PNPT1: variants seen among roughly 807,000 people sequenced by gnomAD.
The protein encoded by PNPT1 is polyribonucleotide nucleotidyltransferase 1, also known as polyribonucleotide nucleotidyltransferase 1, mitochondrial.
A neutral mutation model predicts 119.5 loss-of-function variants in PNPT1; 53 were observed. The observed-to-expected ratio is 0.44, with a 90% CI of 0.36 to 0.56. The LOEUF (loss-of-function observed/expected upper bound fraction) is 0.56. Ranked by LOEUF, PNPT1 falls within the 20% of genes least tolerant of loss-of-function variation. The probability of loss-of-function intolerance (pLI) is 0.00; values close to 1 mark genes in which losing one functional copy is unlikely to be tolerated. For missense variants in PNPT1, 948 were observed against 938.5 expected (o/e 1.01, Z -0.13); for synonymous variants, 357 against 322.1 (o/e 1.11, Z -1.16).
intron 18 of PNPT1, among the ~76,000 whole-genome samples, chr2:55,649,538 A>G (rs1056793539): frequency 1.3e-5 from 2 of 152,194 alleles, no homozygotes; most frequent in Admixed American, 6.5e-5. Flanking sequence ...TGCCCTGGCA[A>G]CAATCTCCCT....
intron 15 of PNPT1, among the ~76,000 whole-genome samples, chr2:55,658,018 G>A (rs1696445309): frequency 6.6e-6 from 1 of 151,694 alleles, no homozygotes; most frequent in Non-Finnish European, 1.5e-5. Context: ...CAGGCAGACT[G>A]CTTGAGCCCA....
intron 16 of PNPT1, 21 bp from the exon 17 acceptor site, chr2:55,656,241 A>G (rs757437233): frequency 1.6e-5 from 25 of 1,612,252 alleles, no homozygotes; most frequent in East Asian, 2.2e-5. Flanking sequence ...ATAGAAAACA[A>G]TAAGTAAAAA....
At chr2:55,673,360 A>G (rs959439547) in intron 8 of PNPT1, among the ~76,000 whole-genome samples, 18 of 152,122 alleles carry the variant, frequency 1.2e-4, no homozygotes, top group African/African-American at 3.9e-4. Context: ...GAAATCATGC[A>G]CATATTTTAA....
chr2:55,683,148 G>C (rs1439826790), intron 5 of PNPT1, among the ~76,000 whole-genome samples: 1 of 152,094 alleles, frequency 6.6e-6, no homozygotes, highest in Non-Finnish European at 1.5e-5. Context: ...CCTATTCCCA[G>C]CCTGATTTGG....
chr2:55,682,688 G>A (rs1039783078), intron 5 of PNPT1, among the ~76,000 whole-genome samples: 8 of 151,894 alleles, frequency 5.3e-5, no homozygotes, highest in African/African-American at 1.5e-4. Flanking sequence ...CAGGAGGATC[G>A]CTTGAGAGCA....
At chr2:55,662,808 A>C (rs1307803852) in intron 13 of PNPT1, among the ~76,000 whole-genome samples, 3 of 152,100 alleles carry the variant, frequency 2.0e-5, no homozygotes, top group Non-Finnish European at 2.9e-5. Flanking sequence ...AACAGGGCCC[A>C]TTCTCAAGAA....
intron 11 of PNPT1, among the ~76,000 whole-genome samples, chr2:55,670,614 C>T (rs763143349): frequency 8.5e-5 from 13 of 152,152 alleles, no homozygotes; most frequent in African/African-American, 2.4e-4. Context: ...TGAACACTTA[C>T]GGTGTGGCAG....
rs750299728 is a variant in PNPT1, at chr2:55,646,436, A to G, written c.1653T>C (p.Asn551=). Reference sequence around the variant, plus strand: ...ATACCTGTAATGCAGTTATTCCTTTATTAGTGCCAGCTATTTTGAAGTCCA... The same window carrying G: ...ATACCTGTAATGCAGTTATTCCTTTGTTAGTGCCAGCTATTTTGAAGTCCA... ...GDMDFKIAGT[N]KGITALQADI... Residue 551 remains asparagine, a synonymous_variant, in exon 20 of 28, where the codon AAT becomes AAC. Transcript: ENST00000447944. The G allele has an allele frequency of 1.4e-5, 22 of 1,612,912 alleles. No individual in the cohort carries two copies. The highest frequency in any genetic ancestry group is 1.9e-5 in the Non-Finnish European group (22 of 1,179,594).
At chr2:55,659,851 T>C (rs1161101171) in intron 15 of PNPT1, among the ~76,000 whole-genome samples, 1 of 152,214 alleles carries the variant, frequency 6.6e-6, no homozygotes, top group Non-Finnish European at 1.5e-5. Flanking sequence ...GGATAGTCAC[T>C]GTAAAGTTCT....
chr2:55,646,331 G>A lies in PNPT1; in HGVS notation c.1675-9C>T. 1.9e-6 allele frequency: 3 copies of A among 1,609,084 alleles called. No individual in the cohort carries two copies. Among genetic ancestry groups the A allele is most frequent in the Non-Finnish European group, 2.5e-6 (3 of 1,176,990 alleles). ...GGTAATTTAATATCAGCCTAATATG[G>A]AAAAGTCAAACAATTATATAAATAT... On this transcript the variant is annotated splice_polypyrimidine_tract_variant and intron_variant, in intron 20 of 27. Coordinates refer to ENST00000447944, the MANE Select transcript of PNPT1 (RefSeq NM_033109.5).
At chr2:55,690,470 G>A (rs1295251194) in intron 1 of PNPT1, among the ~76,000 whole-genome samples, 2 of 152,160 alleles carry the variant, frequency 1.3e-5, no homozygotes, top group Admixed American at 6.6e-5. Context: ...CCTACCCCAA[G>A]TAAGATTATT....
At chr2:55,668,278 C>G (rs1696801600) in intron 11 of PNPT1, among the ~76,000 whole-genome samples, 1 of 152,202 alleles carries the variant, frequency 6.6e-6, no homozygotes, top group Admixed American at 6.5e-5. Context: ...ACTCTGTTGT[C>G]CAGGCTGGAG....
chr2:55,672,121 G>A, intron 9 of PNPT1, 75 bp from the exon 10 acceptor site: 1 of 1,097,914 alleles, frequency 9.1e-7, no homozygotes, highest in Non-Finnish European at 1.3e-6. Flanking sequence ...AAACAAAACT[G>A]AAATATTTAA....
chr2:55,683,927 G>T, intron 4 of PNPT1, 93 bp from the exon 5 acceptor site: 1 of 1,254,142 alleles, frequency 8.0e-7, no homozygotes, highest in Non-Finnish European at 1.1e-6. Flanking sequence ...CATTCAATAT[G>T]TTTTCAAGAA....
intron 15 of PNPT1, among the ~76,000 whole-genome samples, 183 bp downstream of exon 15, chr2:55,659,974 C>G (rs968663251): frequency 1.3e-5 from 2 of 152,028 alleles, no homozygotes; most frequent in Non-Finnish European, 2.9e-5. Flanking sequence ...TGTGGTTGCA[C>G]AAGCCTGTAA....
rs56071955 is a variant in PNPT1, at chr2:55,662,319, G to A, written c.1177-293C>T. On this transcript the variant is annotated intron_variant, in intron 13 of 27. Coordinates refer to ENST00000447944, the MANE Select transcript of PNPT1 (RefSeq NM_033109.5). ...AGAAAGCAATGTTTTTAAGAACTAT[G>A]TAGGAGAGTACGCTGAGGAAGCCTT... is the stretch of plus-strand genomic sequence containing the variant. Among the ~76,000 whole-genome samples the A allele has an allele frequency of 0.084, 12,804 of 152,254 alleles. 650 individuals are homozygous for A. Among genetic ancestry groups the A allele is most frequent in the South Asian group, 0.14 (664 of 4,822 alleles).
At chr2:55,648,329 G>C (rs1696069309) in intron 18 of PNPT1, among the ~76,000 whole-genome samples, 1 of 152,084 alleles carries the variant, frequency 6.6e-6, no homozygotes, top group African/African-American at 2.4e-5. Flanking sequence ...AATAGTTTTA[G>C]TACTCCCTGT....
Position 55,661,938 on chromosome 2 carries a change from C to T in PNPT1, c.1247+18G>A. 6.5e-7 allele frequency: 1 copy of T among 1,539,786 alleles called. No homozygotes were observed. The highest frequency in any genetic ancestry group is 1.3e-5 in the South Asian group (1 of 79,050). On this transcript the variant is annotated intron_variant, in intron 14 of 27. Transcript: ENST00000447944. Reference sequence around the variant, plus strand: ...GAACATCATAAAACGTAACAAACATCTTAAAAACATAACTTACTTTATAGC... The same window carrying T: ...GAACATCATAAAACGTAACAAACATTTTAAAAACATAACTTACTTTATAGC...
intron 1 of PNPT1, among the ~76,000 whole-genome samples, chr2:55,693,450 G>T (rs1280778516): frequency 6.6e-6 from 1 of 152,144 alleles, no homozygotes; most frequent in Non-Finnish European, 1.5e-5. Flanking sequence ...AAGAAGCCCG[G>T]CACACACCAA....
Sources: allele counts gnomAD v4.1 joint callset (sites outside exome capture counted in the v4.1 genomes callset), GRCh38; gene constraint gnomAD v4.1.1; transcripts MANE v1.5; gene names NCBI Gene and HGNC (gene_info 2026-07-23, HGNC 2026-07-21).